TMEM74: variants seen among roughly 807,000 people sequenced by gnomAD.
The protein encoded by TMEM74 is transmembrane protein 74.
A neutral mutation model predicts 18.1 loss-of-function variants in TMEM74; 13 were observed. That is an observed-to-expected ratio of 0.72 (90% CI 0.47 to 1.14). The LOEUF (loss-of-function observed/expected upper bound fraction) is 1.14, where lower values mean the gene tolerates loss of function less well. Among genes scored for constraint, TMEM74 ranks in the 50% most tolerant of loss-of-function variants. TMEM74 has a pLI of 0.00. For synonymous variants in TMEM74, 159 were observed against 146.6 expected (o/e 1.08, Z -0.61); for missense variants, 372 against 375.9 (o/e 0.99, Z 0.09).
intron 1 of TMEM74, among the ~76,000 whole-genome samples, chr8:108,757,139 T>C (rs1041558559): frequency 1.3e-5 from 2 of 152,108 alleles, no homozygotes; most frequent in African/African-American, 4.8e-5. Context: ...TTCTTACAGT[T>C]CCTAATTTGA....
At chr8:108,615,818 G>GTTTTTTTT (rs1563732679) in intron 2 of TMEM74, among the ~76,000 whole-genome samples, 1 of 96,374 alleles carries the variant, frequency 1.0e-5, no homozygotes, top group Non-Finnish European at 2.2e-5. Context: ...TTGCATGGGA[G>GTTTTTTTT]CTTTTTTTTT....
chr8:108,688,326 A>G (rs1813192323), intron 1 of TMEM74, among the ~76,000 whole-genome samples: 1 of 152,244 alleles, frequency 6.6e-6, no homozygotes, highest in Admixed American at 6.5e-5. Flanking sequence ...AGGCTTTCTT[A>G]GATACTGCCC....
intron 1 of TMEM74, among the ~76,000 whole-genome samples, chr8:108,733,562 A>G (rs2130640927): frequency 6.6e-6 from 1 of 152,304 alleles, no homozygotes; most frequent in Admixed American, 6.5e-5. Context: ...TCTTGATAAC[A>G]ATGTAGTTTA....
chr8:108,730,740 C>G (rs900085415), intron 1 of TMEM74, among the ~76,000 whole-genome samples: 1 of 150,304 alleles, frequency 6.7e-6, no homozygotes, highest in Non-Finnish European at 1.5e-5. Flanking sequence ...TCAAGCAATT[C>G]TTCTTCCTCA....
intron 1 of TMEM74, among the ~76,000 whole-genome samples, chr8:108,690,226 A>C (rs918627074): frequency 6.6e-6 from 1 of 152,160 alleles, no homozygotes; most frequent in African/African-American, 2.4e-5. Context: ...TGAGTAAATC[A>C]GCAAGGCTAA....
chr8:108,635,517 A>G (rs1436731821), intron 2 of TMEM74, among the ~76,000 whole-genome samples: 1 of 152,080 alleles, frequency 6.6e-6, no homozygotes, highest in African/African-American at 2.4e-5. Flanking sequence ...GTTATAGAAA[A>G]GGTCTTCAAA....
intron 1 of TMEM74, among the ~76,000 whole-genome samples, chr8:108,678,120 A>G (rs1296472673): frequency 2.6e-5 from 4 of 152,324 alleles, no homozygotes; most frequent in African/African-American, 4.8e-5. Flanking sequence ...ACAAAACACT[A>G]TACCATCAAA....
At chr8:108,719,856 A>T (rs889212024) in intron 1 of TMEM74, among the ~76,000 whole-genome samples, 7 of 152,148 alleles carry the variant, frequency 4.6e-5, no homozygotes, top group African/African-American at 1.7e-4. Flanking sequence ...ATTTTCCTCT[A>T]AACAGGTTAT....
At chr8:108,616,900 G>A (rs1812389164) in intron 2 of TMEM74, among the ~76,000 whole-genome samples, 1 of 151,560 alleles carries the variant, frequency 6.6e-6, no homozygotes, top group Non-Finnish European at 1.5e-5. Context: ...CCTGGAGTTG[G>A]TTAATGTCAT....
chr8:108,611,576 C>T (rs1812334103), intron 2 of TMEM74, among the ~76,000 whole-genome samples: 1 of 152,154 alleles, frequency 6.6e-6, no homozygotes, highest in African/African-American at 2.4e-5. Context: ...GAATGAGATT[C>T]AATACACAAA....
At chr8:108,771,007 G>A (rs1007851508) in intron 1 of TMEM74, among the ~76,000 whole-genome samples, 4 of 152,114 alleles carry the variant, frequency 2.6e-5, no homozygotes, top group African/African-American at 9.7e-5. Context: ...TAACAATCCT[G>A]ACATCAGAAT....
At chr8:108,625,421 C>T (rs950744270) in intron 2 of TMEM74, among the ~76,000 whole-genome samples, 2 of 152,014 alleles carry the variant, frequency 1.3e-5, no homozygotes, top group African/African-American at 4.8e-5. Flanking sequence ...ATATTTCTTT[C>T]CAGTATTCCC....
chr8:108,708,725 T>C lies in TMEM74; in HGVS notation n.120-53288A>G, dbSNP rs571163432. On this transcript the variant is annotated intron_variant and non_coding_transcript_variant, in intron 1 of 3. Transcript: ENST00000518838. Reference sequence around the variant, plus strand: ...ATTTAACAGAATAAAATGCAGTCTATGGAATGGGAGAAAATATTTGCAAAC... The same window carrying C: ...ATTTAACAGAATAAAATGCAGTCTACGGAATGGGAGAAAATATTTGCAAAC... Among the ~76,000 whole-genome samples the C allele has an allele frequency of 8.7e-4, 124 of 142,180 alleles. 1 individual carries two copies. Among genetic ancestry groups the C allele is most frequent in the Non-Finnish European group, 1.6e-3 (105 of 67,164 alleles). 93.3% of individuals were successfully genotyped at this position (142,180 alleles called of 152,430 possible).
At position 108,779,023 on chromosome 8, in the gene TMEM74, T is replaced by C. The variant is rs1814270426; in HGVS notation, c.*5158A>G. ...TTTTTTGGACAAATAATTTCAAATA[T>C]AATTTTAAAAGACCAAATCAGCATT... On this transcript the variant is annotated 3_prime_UTR_variant, in exon 2 of 2. Transcript: ENST00000297459. 6.6e-6 allele frequency among the ~76,000 whole-genome samples: 1 copy of C among 152,210 alleles called. No individual in the cohort carries two copies. Among genetic ancestry groups the C allele is most frequent in the Admixed American group, 6.5e-5 (1 of 15,276 alleles).
intron 1 of TMEM74, among the ~76,000 whole-genome samples, chr8:108,764,848 A>G (rs1814085110): frequency 6.6e-6 from 1 of 152,148 alleles, no homozygotes; most frequent in South Asian, 2.1e-4. Context: ...TCTCGTAGGC[A>G]ACTTAAGGAA....
intron 1 of TMEM74, among the ~76,000 whole-genome samples, chr8:108,702,944 G>C (rs1813352084): frequency 6.6e-6 from 1 of 150,518 alleles, no homozygotes; most frequent in African/African-American, 2.4e-5. Context: ...AAAAAAAGAA[G>C]CAGAAGAATA....
chr8:108,634,957 T>C (rs1295451736), intron 2 of TMEM74, among the ~76,000 whole-genome samples: 3 of 151,892 alleles, frequency 2.0e-5, no homozygotes, highest in Admixed American at 6.6e-5. Context: ...TCAAGAATAT[T>C]CTCTTCCTTC....
chr8:108,783,928 C>T lies in TMEM74; in HGVS notation c.*253G>A, dbSNP rs569821021. The T allele has an allele frequency of 9.6e-6, 3 of 311,188 alleles. No homozygotes were observed. In the South Asian group the frequency reaches 3.2e-4, roughly 33 times the overall value. 19.3% of individuals were successfully genotyped at this position (311,188 alleles called of 1,614,324 possible). A position where few individuals can be genotyped will look rare whatever the true frequency, so the allele number is the denominator to read the frequency against. On this transcript the variant is annotated 3_prime_UTR_variant, in exon 2 of 2. Transcript: ENST00000297459. ...ATATTTTTCTATCGAAGTAGAAGTT[C>T]TTGGCCATTACAGATTAATTAGCCT...
intron 2 of TMEM74, among the ~76,000 whole-genome samples, chr8:108,653,795 A>T (rs1812796612): frequency 6.6e-6 from 1 of 152,124 alleles, no homozygotes; most frequent in Non-Finnish European, 1.5e-5. Flanking sequence ...GTTATGTGCA[A>T]ATATCCTTTT....
Sources: allele counts gnomAD v4.1 joint callset (sites outside exome capture counted in the v4.1 genomes callset), GRCh38; gene constraint gnomAD v4.1.1; transcripts MANE v1.5; gene names NCBI Gene and HGNC (gene_info 2026-07-23, HGNC 2026-07-21).